ZNF676: variants seen among roughly 807,000 people sequenced by gnomAD.
ZNF676 encodes zinc finger protein 676.
Under a neutral mutation model 6.0 loss-of-function variants are expected in ZNF676, and 4 were observed. That is an observed-to-expected ratio of 0.67 (90% confidence interval 0.33 to 1.53). The LOEUF (loss-of-function observed/expected upper bound fraction) is 1.53, where lower values mean the gene tolerates loss of function less well. Ranked by LOEUF, ZNF676 falls within the 40% of genes most tolerant of loss-of-function variation. ZNF676 has a pLI of 0.06. For synonymous variants in ZNF676, 198 were observed against 223.1 expected, an observed-to-expected ratio of 0.89 and a Z score of 1.00; for missense variants, 644 against 679.7, an observed-to-expected ratio of 0.95 and a Z score of 0.58.
intron 1 of ZNF676, among the ~76,000 whole-genome samples, chr19:22,194,181 G>A (rs2023943115): frequency 6.6e-6 from 1 of 152,078 alleles, no homozygotes; most frequent in African/African-American, 2.4e-5. Context: ...TCCTGAAGAG[G>A]GAGTTCCAGT....
the ZNF676 span, among the ~76,000 whole-genome samples, chr19:22,249,855 T>C: frequency 6.6e-6 from 1 of 151,944 alleles, no homozygotes; most frequent in Non-Finnish European, 1.5e-5. Context: ...TCAAACTGAT[T>C]AAGATTGGAT....
In ZNF676 at chr19:22,196,912, GA is replaced by G. The variant is rs2023973249; in HGVS notation, c.-280del. 35 of 611,054 alleles carry G rather than the reference GA, an allele frequency of 5.7e-5. No homozygotes were observed. The South Asian group carries it at 7.3e-4, about 13-fold the overall frequency. 37.9% of individuals were successfully genotyped at this position (611,054 alleles called of 1,614,324 possible). ...AATGTATTCTCTAACTCTGAGAAAA[GA>G]AAGTGGTATAAGATCCATAACATCT... On this transcript the variant is annotated 5_prime_UTR_variant, in exon 1 of 3. An upstream open reading frame in the 5' UTR gains an earlier in-frame stop. Transcript: ENST00000397121.
At chr19:22,187,026 T>A (rs992351682) in intron 2 of ZNF676, among the ~76,000 whole-genome samples, 16 of 151,906 alleles carry the variant, frequency 1.1e-4, no homozygotes, top group Non-Finnish European at 2.1e-4. Flanking sequence ...GCAGACCTAA[T>A]AGACATCTAC....
the ZNF676 span, among the ~76,000 whole-genome samples, chr19:22,222,568 AT>A: frequency 3.3e-5 from 5 of 152,158 alleles, no homozygotes; most frequent in African/African-American, 1.2e-4. Context: ...AGCATTGACA[AT>A]GGGGACAATA....
rs556864773 is a variant in ZNF676, at chr19:22,179,397, T to G, written c.*553A>C. ...TCTCCAGTATGAGTTGTCTTATATG[T>G]AGTAAGCCTTAAGGACTGGTTAAAG... On this transcript the variant is annotated 3_prime_UTR_variant, in exon 3 of 3. Coordinates refer to ENST00000397121, the MANE Select transcript of ZNF676 (RefSeq NM_001001411.3). The G allele has an allele frequency of 3.3e-6, 1 of 301,242 alleles. No homozygotes were observed. Among genetic ancestry groups the G allele is most frequent in the Non-Finnish European group, 6.5e-6 (1 of 153,120 alleles). The allele number at this position is 301,242 out of a possible 1,614,324, so 18.7% of individuals were successfully genotyped here. A position where few individuals can be genotyped will look rare whatever the true frequency, so the allele number is the denominator to read the frequency against.
Position 22,196,946 on chromosome 19 carries a change from T to A in ZNF676, c.-313A>T. The A allele has an allele frequency of 2.1e-6, 1 of 475,800 alleles. No homozygotes were observed. Among genetic ancestry groups the A allele is most frequent in the African/African-American group, 2.0e-5 (1 of 50,126 alleles). The allele number at this position is 475,800 out of a possible 1,614,324, so 29.5% of individuals were successfully genotyped here. ...ATAAGATCCATAACATCTGTGTATATGTAATATTTTTCTAGATAATAAAGT... is the reference window on the plus strand; with the variant it reads ...ATAAGATCCATAACATCTGTGTATAAGTAATATTTTTCTAGATAATAAAGT... On this transcript the variant is annotated 5_prime_UTR_variant, in exon 1 of 3. Coordinates refer to ENST00000397121, the MANE Select transcript of ZNF676 (RefSeq NM_001001411.3).
the ZNF676 span, among the ~76,000 whole-genome samples, chr19:22,225,909 G>GT: frequency 2.8e-4 from 42 of 151,766 alleles, 1 homozygote; most frequent in South Asian, 8.5e-3. Context: ...CTCTCTTGAA[G>GT]TTTTTTTTGA....
chr19:22,239,737 T>C, the ZNF676 span, among the ~76,000 whole-genome samples: 1 of 151,634 alleles, frequency 6.6e-6, no homozygotes, highest in Non-Finnish European at 1.5e-5. Flanking sequence ...GGGCTCAGAG[T>C]TATGCCACAA....
chr19:22,236,931 A>G, the ZNF676 span, among the ~76,000 whole-genome samples: 1 of 152,208 alleles, frequency 6.6e-6, no homozygotes, highest in African/African-American at 2.4e-5. Context: ...GGCCCCTGCC[A>G]TCATGGGATC....
At chr19:22,232,799 A>G in the ZNF676 span, among the ~76,000 whole-genome samples, 7 of 152,200 alleles carry the variant, frequency 4.6e-5, no homozygotes, top group Non-Finnish European at 1.0e-4. Flanking sequence ...ATAGAAATTA[A>G]CACACTATGA....
intron 2 of ZNF676, among the ~76,000 whole-genome samples, chr19:22,184,826 GAAAAAAAAA>G (rs144833243): frequency 3.8e-5 from 2 of 52,690 alleles, no homozygotes; most frequent in Admixed American, 2.6e-4. Context: ...GGGCATCTTT[GAAAAAAAAA>G]AAAAAAAAAA....
chr19:22,231,421 CATTTAATAAA>C, the ZNF676 span, among the ~76,000 whole-genome samples: 1 of 151,286 alleles, frequency 6.6e-6, no homozygotes, highest in Non-Finnish European at 1.5e-5. Context: ...CAGAGACATA[CATTTAATAAA>C]GGAATTAGAT....
At chr19:22,217,280 G>A (rs10419180), upstream of ZNF676, among the ~76,000 whole-genome samples, 4,693 of 152,094 alleles carry the variant, frequency 0.031, 254 homozygotes, top group African/African-American at 0.11. Flanking sequence ...TCAGCTCACC[G>A]CAACCTCTGC....
At chr19:22,216,484 CA>C (rs1411695820), upstream of ZNF676, among the ~76,000 whole-genome samples, 1 of 151,846 alleles carries the variant, frequency 6.6e-6, no homozygotes, top group African/African-American at 2.4e-5. Flanking sequence ...AACAAAACAA[CA>C]AAAAAGCTAA....
At chr19:22,211,706 T>C (rs1397354435) in intron 1 of ZNF676, among the ~76,000 whole-genome samples, 1 of 152,184 alleles carries the variant, frequency 6.6e-6, no homozygotes, top group Non-Finnish European at 1.5e-5. Flanking sequence ...AGAACAAAGA[T>C]ACTTACTTTT....
chr19:22,206,056 AACACACACACACACACAC>A (rs71180523), intron 1 of ZNF676, among the ~76,000 whole-genome samples: 2,626 of 146,664 alleles, frequency 0.018, 46 homozygotes, highest in African/African-American at 0.04. Context: ...CCCAAAACTC[AACACACACACACACACAC>A]ACACACACAC....
chr19:22,220,646 G>C (rs1349212713), upstream of ZNF676, among the ~76,000 whole-genome samples: 2 of 151,912 alleles, frequency 1.3e-5, no homozygotes, highest in Non-Finnish European at 2.9e-5. Context: ...TAGTAGAGAT[G>C]GGGTTTTGCC....
intron 2 of ZNF676, among the ~76,000 whole-genome samples, chr19:22,190,053 T>C (rs2023882782): frequency 6.6e-6 from 1 of 152,138 alleles, no homozygotes; most frequent in African/African-American, 2.4e-5. Context: ...ATCATTCTAC[T>C]ATAAAGACAC....
chr19:22,199,260 G>A (rs970891960), upstream of ZNF676, among the ~76,000 whole-genome samples: 1 of 152,076 alleles, frequency 6.6e-6, no homozygotes, highest in South Asian at 2.1e-4. Flanking sequence ...GCTCCCACTG[G>A]GCTTATTATT....
Sources: gnomAD v4.1 joint callset for allele counts (sites outside exome capture counted in the v4.1 genomes callset) on GRCh38, gnomAD v4.1.1 for gene constraint, MANE v1.5 for transcripts, NCBI Gene and HGNC (gene_info 2026-07-23, HGNC 2026-07-21) for gene names.